SOHLH2: variants seen among roughly 807,000 people sequenced by gnomAD.
SOHLH2 encodes the protein spermatogenesis- and oogenesis-specific basic helix-loop-helix-containing protein 2.
SOHLH2 carries 22 observed loss-of-function variants against 50.4 expected under a neutral mutation model. The ratio of observed to expected loss-of-function variants is 0.44; its 90% CI spans 0.31 to 0.62. The LOEUF (loss-of-function observed/expected upper bound fraction) is 0.62, where lower values mean the gene tolerates loss of function less well. Among genes scored for constraint, SOHLH2 ranks in the 20% least tolerant of loss-of-function variants. SOHLH2 has a pLI of 0.08. For synonymous variants in SOHLH2, 185 were observed against 187.3 expected, an observed-to-expected ratio of 0.99 and a Z score of 0.10; for missense variants, 412 against 504.4, an observed-to-expected ratio of 0.82 and a Z score of 1.76.
intron 6 of SOHLH2, among the ~76,000 whole-genome samples, chr13:36,184,243 A>G (rs1593942389): frequency 6.6e-6 from 1 of 152,206 alleles, no homozygotes; most frequent in East Asian, 1.9e-4. Flanking sequence ...ACTTCTAAAC[A>G]GTGAAAAGAC....
chr13:36,207,964 C>T (rs1427010495), intron 1 of SOHLH2, among the ~76,000 whole-genome samples: 2 of 152,148 alleles, frequency 1.3e-5, no homozygotes, highest in African/African-American at 4.8e-5. Context: ...AAGGTTTCTC[C>T]ACTGTTAAGT....
chr13:36,206,471 G>A (rs75894580), intron 1 of SOHLH2, among the ~76,000 whole-genome samples: 16,436 of 151,902 alleles, frequency 0.11, 960 homozygotes, highest in Non-Finnish European at 0.13. Flanking sequence ...CAAGGCAATA[G>A]TATGTTTGGT....
In SOHLH2 at chr13:36,170,559, T is replaced by C. The variant is rs1296733431; in HGVS notation, c.1229A>G (p.Gln410Arg). 1 of 1,614,122 alleles carries C rather than the reference T, an allele frequency of 6.2e-7. No individual in the cohort carries two copies. Among genetic ancestry groups the C allele is most frequent in the Non-Finnish European group, 8.5e-7 (1 of 1,179,966 alleles). Residue 410 changes from glutamine to arginine, a missense_variant, in exon 10 of 11, where the codon CAG (glutamine) becomes CGG (arginine). Coordinates refer to ENST00000379881, the MANE Select transcript of SOHLH2 (RefSeq NM_017826.3). ...ACAGTTGGGATGTGTAGTGCACGTCTGGCCCAACCCAGAAGTGCAGTGCCG... is the reference window on the plus strand; with the variant it reads ...ACAGTTGGGATGTGTAGTGCACGTCCGGCCCAACCCAGAAGTGCAGTGCCG... ...LPRHCTSGLG[Q>R]TCTTHPNCLQ...
intron 6 of SOHLH2, among the ~76,000 whole-genome samples, chr13:36,178,087 A>T (rs1006239112): frequency 6.6e-6 from 1 of 151,542 alleles, no homozygotes; most frequent in Admixed American, 6.6e-5. Context: ...ATATAAATTA[A>T]TATTACATAT....
In SOHLH2 at chr13:36,168,575, C is replaced by A. The variant is rs1886881917; in HGVS notation, c.*459G>T. 1 of 159,876 alleles carries A rather than the reference C, an allele frequency of 6.3e-6. No homozygotes were observed. The highest frequency in any genetic ancestry group is 2.0e-4 in the South Asian group (1 of 4,902). 9.9% of individuals were successfully genotyped at this position (159,876 alleles called of 1,614,324 possible). A position where few individuals can be genotyped will look rare whatever the true frequency, so the allele number is the denominator to read the frequency against. ...AAAATGTCAAATAAGGAAAAGACCA[C>A]CTAGAAATGAGTGACAGTAATTCAC... is the stretch of plus-strand genomic sequence containing the variant. On this transcript the variant is annotated 3_prime_UTR_variant, in exon 11 of 11. Coordinates refer to ENST00000379881, the MANE Select transcript of SOHLH2 (RefSeq NM_017826.3).
intron 1 of SOHLH2, among the ~76,000 whole-genome samples, chr13:36,208,807 G>C (rs1868934810): frequency 1.3e-5 from 2 of 152,072 alleles, no homozygotes; most frequent in African/African-American, 4.8e-5. Flanking sequence ...TCTTCACTGT[G>C]CTCTCACAAT....
At chr13:36,169,581 T>C (rs1450231991) in intron 10 of SOHLH2, among the ~76,000 whole-genome samples, 1 of 152,202 alleles carries the variant, frequency 6.6e-6, no homozygotes, top group Non-Finnish European at 1.5e-5. Flanking sequence ...AGTTATTGAG[T>C]GCTCAAAACA....
rs1170117548 is a variant in SOHLH2 at position 36,190,041 on chromosome 13, C to T, written c.546G>A (p.Arg182=). ...CATTTAATTCAAGCCCATTGCCATT[C>T]CTTAAAGATTCAGAGCTAGAAACAA... is the stretch of plus-strand genomic sequence containing the variant. The part of the protein sequence containing the change: ...TDLFACSESL[R]NGNGLELNAS... The change falls in exon 6 of 11, where the codon AGG becomes AGA. Residue 182 remains arginine (R), a synonymous_variant. Transcript: ENST00000379881. 1 of 1,603,122 alleles carries T rather than the reference C, an allele frequency of 6.2e-7. No individual in the cohort carries two copies. Among genetic ancestry groups the T allele is most frequent in the African/African-American group, 1.3e-5 (1 of 74,680 alleles).
chr13:36,183,744 C>A (rs1350597202), intron 6 of SOHLH2, among the ~76,000 whole-genome samples: 1 of 152,062 alleles, frequency 6.6e-6, no homozygotes, highest in Non-Finnish European at 1.5e-5. Context: ...AAAAACCATG[C>A]AAACACTAAT....
At chr13:36,178,824 T>G (rs1887166678) in intron 6 of SOHLH2, among the ~76,000 whole-genome samples, 1 of 151,990 alleles carries the variant, frequency 6.6e-6, no homozygotes, top group African/African-American at 2.4e-5. Flanking sequence ...TCATTTGTTT[T>G]TTTTTTTTTG....
intron 2 of SOHLH2, among the ~76,000 whole-genome samples, chr13:36,201,369 T>C (rs1868406871): frequency 1.3e-5 from 2 of 152,186 alleles, no homozygotes; most frequent in Admixed American, 6.5e-5. Context: ...GATTCTTACA[T>C]TCTAATCCGT....
chr13:36,193,469 T>C, intron 4 of SOHLH2, 152 bp downstream of exon 4: 1 of 980,580 alleles, frequency 1.0e-6, no homozygotes. Flanking sequence ...CAACACATTC[T>C]AAACCTCTGA....
intron 9 of SOHLH2, 135 bp from the exon 10 acceptor site, chr13:36,170,922 C>CCTG: frequency 7.3e-7 from 1 of 1,377,776 alleles, no homozygotes; most frequent in Non-Finnish European, 9.7e-7. Context: ...CACCCGAATG[C>CCTG]TGATGGAAAA....
Position 36,174,585 on chromosome 13 carries a change from A to G in SOHLH2, c.790-18T>C. The stretch of plus-strand genomic sequence containing the variant: ...TCTGTAATCTAAAAAACACAGAAAT[A>G]TATTTAGGTAGATACCGACATTTTT... On this transcript the variant is annotated intron_variant, in intron 7 of 10. Transcript: ENST00000379881. The G allele has an allele frequency of 6.2e-7, 1 of 1,613,320 alleles. No homozygotes were observed. The highest frequency in any genetic ancestry group is 8.5e-7 in the Non-Finnish European group (1 of 1,179,850).
chr13:36,170,746 A>T lies in SOHLH2; in HGVS notation c.1042T>A (p.Tyr348Asn), dbSNP rs1030347415. ...GCTGCACTGGAAATGTGAGTTTTAT[A>T]TGGATCACCAATAGCATTCTCTGAG... ...SASENAIGDPYKTHISSAALS... is the reference protein window; with the variant it reads ...SASENAIGDPNKTHISSAALS... The change falls in exon 10 of 11, where the codon TAT (tyrosine) becomes AAT (asparagine). Residue 348 changes from tyrosine (Y) to asparagine (N), a missense_variant. By Grantham distance (143) the Tyr-to-Asn change is moderately radical (BLOSUM62 -2). Transcript: ENST00000379881. 6.2e-7 allele frequency: 1 copy of T among 1,614,072 alleles called. No homozygotes were observed. Among genetic ancestry groups the T allele is most frequent in the African/African-American group, 1.3e-5 (1 of 74,942 alleles).
chr13:36,192,890 A>G (rs1271308962), intron 4 of SOHLH2, among the ~76,000 whole-genome samples: 1 of 152,312 alleles, frequency 6.6e-6, no homozygotes, highest in East Asian at 1.9e-4. Context: ...TTCATCTTAT[A>G]TAACCAAAAC....
rs1482216422 is a variant in SOHLH2, at chr13:36,169,186, A to G, written c.1258-132T>C. On this transcript the variant is annotated intron_variant, in intron 10 of 10. Transcript: ENST00000379881. ...AAAACTATGTTAAATCCTCAGGTGAATAAGCTTACAGGTTTTTAAATATAT... is the reference window on the plus strand; with the variant it reads ...AAAACTATGTTAAATCCTCAGGTGAGTAAGCTTACAGGTTTTTAAATATAT... 3.8e-6 allele frequency: 5 copies of G among 1,320,670 alleles called. No homozygotes were observed. The Admixed American group carries it at 9.0e-5, about 24-fold the overall frequency. The allele number at this position is 1,320,670 out of a possible 1,614,324, so 81.8% of individuals were successfully genotyped here. A position where few individuals can be genotyped will look rare whatever the true frequency, so the allele number is the denominator to read the frequency against.
At position 36,171,724 on chromosome 13, in the gene SOHLH2, A is replaced by C. The variant is rs552063878; in HGVS notation, c.1001-937T>G. On this transcript the variant is annotated intron_variant, in intron 9 of 10. Transcript: ENST00000379881. ...TATTTCCTATCATATGATGTAAAAAATCACTCTCTCCCCAAACTGCAAATG... is the reference window on the plus strand; with the variant it reads ...TATTTCCTATCATATGATGTAAAAACTCACTCTCTCCCCAAACTGCAAATG... 2.6e-5 allele frequency among the ~76,000 whole-genome samples: 4 copies of C among 152,308 alleles called. No individual in the cohort carries two copies. The East Asian group carries it at 7.7e-4, about 29-fold the overall frequency.
intron 9 of SOHLH2, 74 bp downstream of exon 9, chr13:36,173,618 T>A (rs966993621): frequency 6.4e-7 from 1 of 1,565,262 alleles, no homozygotes; most frequent in Non-Finnish European, 8.8e-7. Context: ...TGGTGGTGAA[T>A]GCACAGGAGC....
Sources: allele counts gnomAD v4.1 joint callset (sites outside exome capture counted in the v4.1 genomes callset), GRCh38; gene constraint gnomAD v4.1.1; transcripts MANE v1.5; gene names NCBI Gene and HGNC (gene_info 2026-07-23, HGNC 2026-07-21).